MYRFL: variants seen among roughly 807,000 people sequenced by gnomAD.
MYRFL encodes myelin regulatory factor like.
Under a neutral mutation model 109.4 loss-of-function variants are expected in MYRFL, and 88 were observed. The observed-to-expected ratio is 0.80, with a 90% CI of 0.68 to 0.96. The LOEUF is 0.96. MYRFL is among the 40% of genes least tolerant of loss of function. The pLI is 0.00. For synonymous variants in MYRFL, 324 were observed against 320.9 expected, an observed-to-expected ratio of 1.01 and a Z score of -0.10; for missense variants, 957 against 954.9, an observed-to-expected ratio of 1.00 and a Z score of -0.03.
At chr12:69,899,659 T>C (rs955754574) in intron 10 of MYRFL, among the ~76,000 whole-genome samples, 1 of 152,102 alleles carries the variant, frequency 6.6e-6, no homozygotes, top group Non-Finnish European at 1.5e-5. Flanking sequence ...ATTTTACTAT[T>C]TGGTAAGGGT....
chr12:69,827,214 C>T (rs1882337942), intron 1 of MYRFL, among the ~76,000 whole-genome samples: 2 of 152,018 alleles, frequency 1.3e-5, no homozygotes, highest in African/African-American at 4.8e-5. Flanking sequence ...GCTATTTTCT[C>T]CATTTCCTCA....
chr12:69,893,898 GTT>G, intron 8 of MYRFL, 58 bp downstream of exon 8: 1 of 571,596 alleles, frequency 1.7e-6, no homozygotes, highest in Non-Finnish European at 2.4e-6. Context: ...CACCTACTTT[GTT>G]TTTTATATAT....
intron 1 of MYRFL, among the ~76,000 whole-genome samples, chr12:69,853,462 C>T: frequency 6.6e-6 from 1 of 150,556 alleles, no homozygotes; most frequent in Admixed American, 6.6e-5. Context: ...AGAGACACTC[C>T]TCAGTTCCCA....
chr12:69,878,781 A>G (rs1212271735), intron 2 of MYRFL, among the ~76,000 whole-genome samples: 2 of 152,094 alleles, frequency 1.3e-5, no homozygotes, highest in African/African-American at 2.4e-5. Context: ...TGGAGAGGTT[A>G]CGTACTTATT....
Position 69,884,554 on chromosome 12 carries a change from C to G in MYRFL, c.557-2266C>G, listed in dbSNP as rs528106574. Among the ~76,000 whole-genome samples the G allele has an allele frequency of 1.5e-3, 234 of 152,340 alleles. 1 individual carries two copies. Among genetic ancestry groups the G allele is most frequent in the African/African-American group, 5.3e-3 (221 of 41,574 alleles). On this transcript the variant is annotated intron_variant, in intron 5 of 24. Coordinates refer to ENST00000552032, the MANE Select transcript of MYRFL (RefSeq NM_182530.3). ...GAGAAGTGGAGCTGGCTTTTGGCTG[C>G]ATGCCTGAGAACATTGACCTTGCTG...
intron 6 of MYRFL, among the ~76,000 whole-genome samples, chr12:69,888,954 G>A (rs1384537059): frequency 6.6e-6 from 1 of 152,140 alleles, no homozygotes; most frequent in Non-Finnish European, 1.5e-5. Flanking sequence ...CACTGTGATT[G>A]TGGAGCCTTT....
chr12:69,901,395 C>G (rs560700235), intron 10 of MYRFL, among the ~76,000 whole-genome samples: 1 of 152,282 alleles, frequency 6.6e-6, no homozygotes, highest in South Asian at 2.1e-4. Context: ...GGAATTCTCC[C>G]TAGGGCTATA....
rs1955107907 is a variant in MYRFL at position 69,926,932 on chromosome 12, GGTTTTTTTTT to G, written c.1766+199_1766+208del. 2.6e-5 allele frequency among the ~76,000 whole-genome samples: 2 copies of G among 76,872 alleles called. 1 individual carries two copies. The highest frequency in any genetic ancestry group is 5.1e-5 in the Non-Finnish European group (2 of 39,082). The allele number at this position is 76,872 out of a possible 152,430, so 50.4% of individuals were successfully genotyped here. ...ACTTTCTTAGTTTTTTTCTGTTGCTGGTTTTTTTTTTTTTTTTTTTTTTTTTTTTGAGCCT... is the reference window on the plus strand; with the variant it reads ...ACTTTCTTAGTTTTTTTCTGTTGCTGTTTTTTTTTTTTTTTTTTTGAGCCT... On this transcript the variant is annotated intron_variant, in intron 14 of 24. Transcript: ENST00000552032.
intron 1 of MYRFL, among the ~76,000 whole-genome samples, chr12:69,834,046 T>G (rs890555467): frequency 2.0e-5 from 3 of 152,084 alleles, no homozygotes; most frequent in Non-Finnish European, 4.4e-5. Context: ...TACAAAGATA[T>G]CAGAACACCA....
chr12:69,952,740 C>T, intron 20 of MYRFL, 59 bp from the exon 21 acceptor site: 1 of 1,230,640 alleles, frequency 8.1e-7, no homozygotes, highest in Non-Finnish European at 1.1e-6. Flanking sequence ...GGCTGGAATA[C>T]AATATTCTTT....
intron 13 of MYRFL, among the ~76,000 whole-genome samples, chr12:69,920,932 A>T (rs1169298063): frequency 6.6e-6 from 1 of 152,232 alleles, no homozygotes; most frequent in Non-Finnish European, 1.5e-5. Flanking sequence ...TCAAACAGTG[A>T]GTAAAAGTTT....
chr12:69,854,005 G>A (rs1884097062), intron 1 of MYRFL, among the ~76,000 whole-genome samples: 1 of 152,214 alleles, frequency 6.6e-6, no homozygotes, highest in South Asian at 2.1e-4. Context: ...CGGCTGGGAG[G>A]TGGAGGTTGT....
At chr12:69,909,094 TTAG>T (rs2120382965) in intron 11 of MYRFL, among the ~76,000 whole-genome samples, 1 of 152,342 alleles carries the variant, frequency 6.6e-6, no homozygotes, top group East Asian at 1.9e-4. Flanking sequence ...GTCCCAACAC[TTAG>T]TAGTGCATGA....
At chr12:69,909,621 AC>A (rs113740800) in intron 11 of MYRFL, among the ~76,000 whole-genome samples, 118 of 152,334 alleles carry the variant, frequency 7.7e-4, no homozygotes, top group African/African-American at 2.7e-3. Context: ...TTTGGATCAA[AC>A]CCATTTAGCT....
intron 22 of MYRFL, among the ~76,000 whole-genome samples, chr12:69,956,501 G>A (rs1035611569): frequency 1.3e-5 from 2 of 152,030 alleles, no homozygotes; most frequent in African/African-American, 4.8e-5. Context: ...AAGATAAATG[G>A]TTTTTTGTGT....
chr12:69,865,968 C>T (rs1017461161), intron 2 of MYRFL, among the ~76,000 whole-genome samples: 14 of 152,112 alleles, frequency 9.2e-5, no homozygotes, highest in Non-Finnish European at 1.9e-4. Context: ...GTTCTCTTAA[C>T]TCTTCCAAAT....
intron 7 of MYRFL, among the ~76,000 whole-genome samples, chr12:69,892,894 G>A (rs751042744): frequency 7.2e-5 from 11 of 152,078 alleles, no homozygotes; most frequent in Non-Finnish European, 1.6e-4. Flanking sequence ...CATATTGCTA[G>A]TAATATATTG....
intron 2 of MYRFL, among the ~76,000 whole-genome samples, 185 bp downstream of exon 2, chr12:69,855,555 A>G (rs1274760733): frequency 2.0e-5 from 3 of 152,188 alleles, no homozygotes; most frequent in African/African-American, 4.8e-5. Context: ...AATTCCAGTC[A>G]TTCCTCACCT....
At chr12:69,925,405 C>T (rs767180202) in intron 13 of MYRFL, among the ~76,000 whole-genome samples, 7 of 152,148 alleles carry the variant, frequency 4.6e-5, no homozygotes, top group Non-Finnish European at 8.8e-5. Context: ...GTGTTCGAAA[C>T]CCTCAAAGCT....
Sources: gnomAD v4.1 joint callset for allele counts (sites outside exome capture counted in the v4.1 genomes callset) on GRCh38, gnomAD v4.1.1 for gene constraint, MANE v1.5 for transcripts, NCBI Gene and HGNC (gene_info 2026-07-23, HGNC 2026-07-21) for gene names.